The following PLA2G2C variants were observed in gnomAD, a reference collection of about 807,000 sequenced individuals.
PLA2G2C encodes the protein phospholipase A2 group IIC.
A neutral mutation model predicts 14.3 loss-of-function variants in PLA2G2C; 15 were observed. The observed-to-expected ratio is 1.05, with a 90% CI of 0.70 to 1.62. PLA2G2C has a LOEUF of 1.62. PLA2G2C is among the 40% of genes most tolerant of loss of function. PLA2G2C has a pLI of 0.00. For missense variants in PLA2G2C, 162 were observed against 173.2 expected (o/e 0.94, Z 0.36); for synonymous variants, 79 against 67.7 (o/e 1.17, Z -0.82).
chr1:20,181,743 T>C (rs771240261), intron 1 of PLA2G2C, among the ~76,000 whole-genome samples: 1 of 152,202 alleles, frequency 6.6e-6, no homozygotes, highest in Non-Finnish European at 1.5e-5. Flanking sequence ...ATTAAAGCGA[T>C]AATCAACGAA....
chr1:20,163,942 A>G lies in PLA2G2C; in HGVS notation c.*49T>C. 2 of 1,557,592 alleles carry G rather than the reference A, an allele frequency of 1.3e-6. No individual in the cohort carries two copies. Among genetic ancestry groups the G allele is most frequent in the Non-Finnish European group, 1.7e-6 (2 of 1,149,740 alleles). On this transcript the variant is annotated 3_prime_UTR_variant, in exon 5 of 5. Coordinates refer to ENST00000679259, the MANE Select transcript of PLA2G2C (RefSeq NM_001367969.2). ...ATGATCTGAGAAGGCTTCCTGGAAG[A>G]GCAACACTAGAGCGGATGCTGGATG...
At position 20,163,645 on chromosome 1, in the gene PLA2G2C, G is replaced by A; in HGVS notation, c.*346C>T. ...GAAACCCTGGGATGTGGGGTTGGGT[G>A]CATCTCTATCCCGTCCCTTTGTTTT... On this transcript the variant is annotated 3_prime_UTR_variant, in exon 5 of 5. Transcript: ENST00000679259. 5.7e-6 allele frequency: 1 copy of A among 175,164 alleles called. No homozygotes were observed. The highest frequency in any genetic ancestry group is 1.2e-5 in the Non-Finnish European group (1 of 83,594). 10.9% of individuals were successfully genotyped at this position (175,164 alleles called of 1,614,324 possible).
chr1:20,175,273 A>AG lies in PLA2G2C; in HGVS notation c.41-129dup, dbSNP rs1457201405. 2.9e-6 allele frequency: 4 copies of AG among 1,376,824 alleles called. No individual in the cohort carries two copies. In the African/African-American group the frequency reaches 5.8e-5, roughly 20 times the overall value. The allele number at this position is 1,376,824 out of a possible 1,614,324, so 85.3% of individuals were successfully genotyped here. A position where few individuals can be genotyped will look rare whatever the true frequency, so the allele number is the denominator to read the frequency against. ...CACCAGATCCCCAAAGCGAAGTGCA[A>AG]GGGGCATGGCTGGAATCACCAGCCT... On this transcript the variant is annotated intron_variant, in intron 2 of 4. Coordinates refer to ENST00000679259, the MANE Select transcript of PLA2G2C (RefSeq NM_001367969.2).
chr1:20,174,385 C>T (rs1346186482), intron 3 of PLA2G2C, among the ~76,000 whole-genome samples: 4 of 152,210 alleles, frequency 2.6e-5, no homozygotes, highest in Non-Finnish European at 5.9e-5. Context: ...GGAACTCACA[C>T]TCCCCCACCC....
chr1:20,177,928 G>A (rs1018115551), intron 1 of PLA2G2C, among the ~76,000 whole-genome samples: 5 of 152,092 alleles, frequency 3.3e-5, no homozygotes, highest in African/African-American at 1.2e-4. Flanking sequence ...ATAATTTCAA[G>A]CCTTTATTTT....
At chr1:20,178,321 A>C (rs2018221356) in intron 1 of PLA2G2C, among the ~76,000 whole-genome samples, 1 of 152,176 alleles carries the variant, frequency 6.6e-6, no homozygotes, top group African/African-American at 2.4e-5. Flanking sequence ...TAACGTCAGG[A>C]CTTGGAGTGT....
At chr1:20,170,879 A>G (rs961563192) in intron 4 of PLA2G2C, among the ~76,000 whole-genome samples, 2 of 141,638 alleles carry the variant, frequency 1.4e-5, no homozygotes, top group Non-Finnish European at 3.1e-5. Flanking sequence ...TCCAACTCCC[A>G]GCCCTGGCTG....
In PLA2G2C at chr1:20,169,045, G is replaced by A. The variant is rs189492030; in HGVS notation, c.283+3749C>T. 7.9e-5 allele frequency among the ~76,000 whole-genome samples: 12 copies of A among 151,688 alleles called. No homozygotes were observed. In the East Asian group the frequency reaches 2.0e-3, roughly 25 times the overall value. On this transcript the variant is annotated intron_variant, in intron 4 of 4. Transcript: ENST00000679259. ...CCTACTGCATCCCAGAGCAGCCCCCGGTTGCTAGGCAACCTGGGACCAGGC... is the reference window on the plus strand; with the variant it reads ...CCTACTGCATCCCAGAGCAGCCCCCAGTTGCTAGGCAACCTGGGACCAGGC...
chr1:20,170,120 C>T (rs532877906), intron 4 of PLA2G2C, among the ~76,000 whole-genome samples: 51 of 152,352 alleles, frequency 3.3e-4, no homozygotes, highest in African/African-American at 1.2e-3. Flanking sequence ...GGAGATAATG[C>T]TCACCTCAGT....
intron 4 of PLA2G2C, among the ~76,000 whole-genome samples, chr1:20,167,475 G>A (rs1315179961): frequency 6.6e-6 from 1 of 152,094 alleles, no homozygotes; most frequent in Non-Finnish European, 1.5e-5. Context: ...CCATCAGCAG[G>A]TCCTGTCGGC....
chr1:20,173,448 G>C (rs2018124781), intron 3 of PLA2G2C, among the ~76,000 whole-genome samples: 1 of 152,154 alleles, frequency 6.6e-6, no homozygotes, highest in Admixed American at 6.5e-5. Context: ...CCTTTTGTAG[G>C]GGAGGGACTG....
chr1:20,184,428 C>T (rs2018331366), intron 1 of PLA2G2C: 1 of 152,274 alleles, frequency 6.6e-6, no homozygotes, highest in Non-Finnish European at 1.5e-5. Context: ...CTAAAACCAC[C>T]ATCTTTTACA....
intron 4 of PLA2G2C, among the ~76,000 whole-genome samples, 165 bp downstream of exon 4, chr1:20,172,629 G>A (rs757796564): frequency 3.9e-5 from 6 of 152,066 alleles, no homozygotes; most frequent in Non-Finnish European, 7.4e-5. Context: ...GGATGAGCAC[G>A]GACACTCTGA....
intron 4 of PLA2G2C, among the ~76,000 whole-genome samples, chr1:20,172,458 T>C (rs1342420030): frequency 6.6e-6 from 1 of 152,148 alleles, no homozygotes; most frequent in Non-Finnish European, 1.5e-5. Flanking sequence ...GTTAACAAAA[T>C]CACAGAAACA....
intron 1 of PLA2G2C, among the ~76,000 whole-genome samples, chr1:20,181,261 G>C (rs1426510151): frequency 2.6e-5 from 4 of 152,104 alleles, no homozygotes; most frequent in African/African-American, 7.2e-5. Flanking sequence ...AGTGTTAAGA[G>C]TCTTATCATA....
chr1:20,176,821 A>G (rs1045519333), intron 2 of PLA2G2C, among the ~76,000 whole-genome samples: 23 of 152,340 alleles, frequency 1.5e-4, no homozygotes, highest in African/African-American at 4.6e-4. Flanking sequence ...GTAGACCCCA[A>G]ACTGTTTCCC....
At chr1:20,175,225 A>G in intron 2 of PLA2G2C, 80 bp from the exon 3 acceptor site, 1 of 1,602,688 alleles carries the variant, frequency 6.2e-7, no homozygotes, top group Non-Finnish European at 8.5e-7. Flanking sequence ...TCCCCTTACT[A>G]GAGTGCTGAG....
chr1:20,173,223 G>A (rs974485728), intron 3 of PLA2G2C, among the ~76,000 whole-genome samples: 1 of 151,838 alleles, frequency 6.6e-6, no homozygotes, highest in Non-Finnish European at 1.5e-5. Flanking sequence ...GGCTGAAGTG[G>A]GTGGATTGCT....
intron 1 of PLA2G2C, among the ~76,000 whole-genome samples, chr1:20,179,447 GCT>G (rs1021149199): frequency 6.7e-5 from 10 of 149,586 alleles, no homozygotes; most frequent in South Asian, 4.2e-4. Context: ...GTGTGTGTCA[GCT>G]TCTCCGTGTC....
Sources: gnomAD v4.1 joint callset for allele counts (sites outside exome capture counted in the v4.1 genomes callset) on GRCh38, gnomAD v4.1.1 for gene constraint, MANE v1.5 for transcripts, NCBI Gene and HGNC (gene_info 2026-07-23, HGNC 2026-07-21) for gene names.